PTAFR: variants seen among roughly 807,000 people sequenced by gnomAD.
PTAFR encodes platelet-activating factor receptor.
PTAFR carries 8 observed loss-of-function variants against 14.7 expected under a neutral mutation model. The ratio of observed to expected loss-of-function variants is 0.54; its 90% CI spans 0.32 to 0.98. The LOEUF (loss-of-function observed/expected upper bound fraction) is 0.98, where lower values mean the gene tolerates loss of function less well. Among genes scored for constraint, PTAFR ranks in the 50% least tolerant of loss-of-function variants. PTAFR has a pLI of 0.04. For missense variants in PTAFR, 337 were observed against 451.2 expected (o/e 0.75, Z 2.29); for synonymous variants, 156 against 176.5 (o/e 0.88, Z 0.92).
At chr1:28,153,969 G>A (rs1025963186) in intron 1 of PTAFR, among the ~76,000 whole-genome samples, 4 of 151,670 alleles carry the variant, frequency 2.6e-5, no homozygotes, top group Non-Finnish European at 4.4e-5. Flanking sequence ...TGGGAGGATC[G>A]CTGGAGCCCG....
intron 1 of PTAFR, among the ~76,000 whole-genome samples, chr1:28,175,035 T>C (rs916668006): frequency 6.6e-6 from 1 of 152,170 alleles, no homozygotes; most frequent in African/African-American, 2.4e-5. Flanking sequence ...CAAGCAATTC[T>C]CCTGCCTCAG....
intron 1 of PTAFR, among the ~76,000 whole-genome samples, chr1:28,175,312 C>G (rs762514010): frequency 1.6e-4 from 24 of 152,144 alleles, no homozygotes; most frequent in South Asian, 6.2e-4. Flanking sequence ...AGATCGAAAC[C>G]CCGGATGCCC....
chr1:28,157,876 C>T (rs189531678), intron 1 of PTAFR, among the ~76,000 whole-genome samples: 7 of 152,050 alleles, frequency 4.6e-5, no homozygotes, highest in Admixed American at 3.3e-4. Context: ...GTGATCTGCC[C>T]GCCTCGGCCT....
chr1:28,187,118 C>G (rs78736306), intron 1 of PTAFR, among the ~76,000 whole-genome samples: 3,406 of 152,222 alleles, frequency 0.022, 141 homozygotes, highest in African/African-American at 0.077. Context: ...CATAGTGATT[C>G]CAAAACCCAT....
intron 1 of PTAFR, among the ~76,000 whole-genome samples, chr1:28,186,490 C>T (rs978238144): frequency 2.0e-5 from 3 of 152,064 alleles, no homozygotes; most frequent in Non-Finnish European, 4.4e-5. Flanking sequence ...TAGGCTAATC[C>T]TAAAATTCGA....
At chr1:28,151,224 G>A (rs975964846) in intron 1 of PTAFR, among the ~76,000 whole-genome samples, 165 bp from the exon 2 acceptor site, 1 of 151,716 alleles carries the variant, frequency 6.6e-6, no homozygotes, top group African/African-American at 2.4e-5. Flanking sequence ...TTGCTGCCCA[G>A]GCTGGAGTGC....
intron 1 of PTAFR, among the ~76,000 whole-genome samples, chr1:28,188,341 G>A (rs1275677689): frequency 6.6e-6 from 1 of 152,160 alleles, no homozygotes; most frequent in Non-Finnish European, 1.5e-5. Flanking sequence ...AGCTACTTAG[G>A]AGGCTGAGGC....
At chr1:28,159,740 C>T (rs140112481) in intron 1 of PTAFR, among the ~76,000 whole-genome samples, 2,913 of 151,568 alleles carry the variant, frequency 0.019, 49 homozygotes, top group Middle Eastern at 0.1. Context: ...GCAGGAGAAT[C>T]GCTTGAACCC....
chr1:28,164,632 G>T (rs139828894), intron 1 of PTAFR, among the ~76,000 whole-genome samples: 4 of 152,350 alleles, frequency 2.6e-5, no homozygotes, highest in Admixed American at 2.6e-4. Flanking sequence ...GACTAGAGAA[G>T]AAAATAGATT....
At position 28,150,064 on chromosome 1, in the gene PTAFR, C is replaced by G. The variant is rs1402770579; in HGVS notation, c.958G>C (p.Ala320Pro). The G allele has an allele frequency of 2.5e-6, 4 of 1,614,058 alleles. No individual in the cohort carries two copies. In the Admixed American group the frequency reaches 6.7e-5, roughly 27 times the overall value. The change falls in exon 2 of 2, where the codon GCC (alanine) becomes CCC (proline). Residue 320 changes from alanine (A) to proline (P), a missense_variant. Ala to Pro is a conservative substitution (Grantham distance 27). Transcript: ENST00000373857. The surrounding 1 kb of genome is among the most constrained non-coding windows in gnomAD (Gnocchi z 6.3). Reference sequence around the variant, plus strand: ...ACTTCAGTGACCGTATCCGTGGTGGCCCGGGAGCATTTCCGGCTACTGCGC... The same window carrying G: ...ACTTCAGTGACCGTATCCGTGGTGGGCCGGGAGCATTTCCGGCTACTGCGC... The part of the protein sequence containing the change: ...SMRSSRKCSR[A>P]TTDTVTEVVV...
chr1:28,167,723 G>GC (rs1010768785), intron 1 of PTAFR, among the ~76,000 whole-genome samples: 40 of 127,394 alleles, frequency 3.1e-4, no homozygotes, highest in Non-Finnish European at 3.8e-4. Context: ...TTGGTTCACT[G>GC]CAACCTCCGC....
intron 1 of PTAFR, among the ~76,000 whole-genome samples, chr1:28,171,585 G>C (rs1223338854): frequency 1.3e-5 from 2 of 152,100 alleles, no homozygotes; most frequent in Admixed American, 6.6e-5. Context: ...CCTGACCTCT[G>C]GGGAATTCTG....
At chr1:28,183,958 C>T (rs927206200) in intron 1 of PTAFR, among the ~76,000 whole-genome samples, 8 of 151,948 alleles carry the variant, frequency 5.3e-5, no homozygotes, top group African/African-American at 1.9e-4. Flanking sequence ...ATGATAGATC[C>T]AAAATCTTGC....
At chr1:28,156,032 C>T (rs1424382827) in intron 1 of PTAFR, among the ~76,000 whole-genome samples, 2 of 151,882 alleles carry the variant, frequency 1.3e-5, no homozygotes, top group East Asian at 1.9e-4. Flanking sequence ...GAGGCCGAGA[C>T]GGGTGGATCA....
intron 1 of PTAFR, among the ~76,000 whole-genome samples, chr1:28,187,493 T>A (rs757580693): frequency 8.5e-5 from 13 of 152,162 alleles, no homozygotes; most frequent in Non-Finnish European, 1.5e-5. Context: ...ATCTTTATGA[T>A]CTAGGGGTGA....
intron 1 of PTAFR, among the ~76,000 whole-genome samples, chr1:28,189,562 G>A (rs1413443193): frequency 2.0e-5 from 3 of 151,716 alleles, no homozygotes; most frequent in Non-Finnish European, 2.9e-5. Flanking sequence ...GCAGTGAGCC[G>A]AGATGGTGCC....
At chr1:28,169,082 T>C (rs770231348) in intron 1 of PTAFR, among the ~76,000 whole-genome samples, 1 of 152,198 alleles carries the variant, frequency 6.6e-6, no homozygotes, top group Non-Finnish European at 1.5e-5. Context: ...ATGACTGAAC[T>C]ATACACTTTA....
At chr1:28,163,109 C>G (rs898286184) in intron 1 of PTAFR, among the ~76,000 whole-genome samples, 2 of 152,162 alleles carry the variant, frequency 1.3e-5, no homozygotes, top group African/African-American at 4.8e-5. Context: ...CTTTGCCTTT[C>G]CAGCAGCCTG....
chr1:28,153,765 G>A (rs1316590716), intron 1 of PTAFR, among the ~76,000 whole-genome samples: 1 of 151,962 alleles, frequency 6.6e-6, no homozygotes, highest in African/African-American at 2.4e-5. Flanking sequence ...GTGGGTGCCT[G>A]TAGTCCCAGC....
Sources: gnomAD v4.1 joint callset for allele counts (sites outside exome capture counted in the v4.1 genomes callset) on GRCh38, gnomAD v4.1.1 for gene constraint, Gnocchi (gnomAD v3.1) non-coding constraint, MANE v1.5 for transcripts, NCBI Gene and HGNC (gene_info 2026-07-23, HGNC 2026-07-21) for gene names.